NEDD9: variants seen among roughly 807,000 people sequenced by gnomAD.
NEDD9 encodes the protein enhancer of filamentation 1.
In NEDD9, 26 loss-of-function variants were observed where a neutral mutation model predicts 76.6. The ratio of observed to expected loss-of-function variants is 0.34; its 90% CI spans 0.25 to 0.47. The LOEUF is 0.47. Ranked by LOEUF, NEDD9 falls within the 20% of genes least tolerant of loss-of-function variation. The pLI is 1.00. For missense variants in NEDD9, 937 were observed against 1,058.5 expected, an observed-to-expected ratio of 0.89 and a Z score of 1.59; for synonymous variants, 392 against 414.2, an observed-to-expected ratio of 0.95 and a Z score of 0.65.
intron 3 of NEDD9, chr6:11,305,268 A>T: frequency 1.7e-6 from 1 of 574,684 alleles, no homozygotes; most frequent in South Asian, 1.9e-5. Context: ...TCCTCTGAAC[A>T]ATCTTCCTGT....
At chr6:11,276,466 G>A (rs140383246) in intron 3 of NEDD9, among the ~76,000 whole-genome samples, 20 of 152,290 alleles carry the variant, frequency 1.3e-4, no homozygotes, top group African/African-American at 4.6e-4. Context: ...TAAAATGTAA[G>A]TTCCTTGAGG....
At chr6:11,218,308 C>T (rs12190771) in intron 1 of NEDD9, among the ~76,000 whole-genome samples, 31,998 of 151,446 alleles carry the variant, frequency 0.21, 3,700 homozygotes, top group African/African-American at 0.27. Context: ...GCCCTGCTTT[C>T]CACCTCACTG....
Position 11,357,144 on chromosome 6 carries a change from G to C in NEDD9, c.-213-22583C>G, listed in dbSNP as rs150902644. ...ACCAATTCCTTCCAGGCTTTCTTTAGCATGTTGTCATATTTAAGTCTTTAA... is the reference window on the plus strand; with the variant it reads ...ACCAATTCCTTCCAGGCTTTCTTTACCATGTTGTCATATTTAAGTCTTTAA... On this transcript the variant is annotated intron_variant, in intron 1 of 3. Coordinates refer to the NEDD9 transcript ENST00000397378. Among the ~76,000 whole-genome samples, 483 of 152,240 alleles carry C rather than the reference G, an allele frequency of 3.2e-3. 1 individual carries two copies. The highest frequency in any genetic ancestry group is 0.011 in the African/African-American group (447 of 41,530).
intron 3 of NEDD9, among the ~76,000 whole-genome samples, chr6:11,273,652 A>T (rs1164843383): frequency 6.6e-6 from 1 of 152,122 alleles, no homozygotes; most frequent in East Asian, 1.9e-4. Context: ...TGAGGTTGTG[A>T]GTCAATGTTA....
chr6:11,259,967 C>A (rs1448372298), intron 3 of NEDD9, among the ~76,000 whole-genome samples: 1 of 152,128 alleles, frequency 6.6e-6, no homozygotes, highest in Non-Finnish European at 1.5e-5. Flanking sequence ...CACAGACACA[C>A]ACCCCACCAC....
chr6:11,360,642 C>A (rs1762663758), intron 1 of NEDD9, among the ~76,000 whole-genome samples: 1 of 152,208 alleles, frequency 6.6e-6, no homozygotes, highest in South Asian at 2.1e-4. Context: ...TCCCCTTTCA[C>A]CTTCTGCTAT....
chr6:11,190,296 A>C lies in NEDD9; in HGVS notation c.1573T>G (p.Cys525Gly), dbSNP rs749826628. 6 of 1,614,140 alleles carry C rather than the reference A, an allele frequency of 3.7e-6. No individual in the cohort carries two copies. The East Asian group carries it at 1.1e-4, about 30-fold the overall frequency. Residue 525 changes from cysteine to glycine, a missense_variant, in exon 5 of 7, where the codon TGT becomes GGT. Cys to Gly is a radical substitution (Grantham distance 159, BLOSUM62 -3). Coordinates refer to ENST00000379446, the MANE Select transcript of NEDD9 (RefSeq NM_006403.4). This position sits in a 1 kb window ranked among gnomAD's most constrained non-coding sequence, Gnocchi z 5.8. ...ILAINKPQNK[C>G]DDLDRFVMVA... ...ATCACAAACCGGTCCAGATCGTCAC[A>C]CTTGTTCTGGGGCTTGTTGATGGCC...
intron 1 of NEDD9, among the ~76,000 whole-genome samples, chr6:11,372,011 T>G (rs1166252764): frequency 6.6e-6 from 1 of 152,212 alleles, no homozygotes; most frequent in Non-Finnish European, 1.5e-5. Context: ...TTAGTTATTT[T>G]TTAATGTACA....
intron 2 of NEDD9, among the ~76,000 whole-genome samples, chr6:11,209,339 AT>A (rs1758704747): frequency 6.6e-6 from 1 of 152,230 alleles, no homozygotes; most frequent in African/African-American, 2.4e-5. Context: ...AAAAAGACCA[AT>A]GAAATTAAGT....
chr6:11,205,275 G>C (rs1758574971), intron 2 of NEDD9, among the ~76,000 whole-genome samples: 1 of 152,210 alleles, frequency 6.6e-6, no homozygotes, highest in Non-Finnish European at 1.5e-5. Context: ...TCAGGTGGTA[G>C]TACCTCTATG....
intron 3 of NEDD9, among the ~76,000 whole-genome samples, chr6:11,249,516 C>T (rs1759872977): frequency 6.6e-6 from 1 of 152,004 alleles, no homozygotes; most frequent in Admixed American, 6.6e-5. Context: ...AAAGGTGCTC[C>T]TAGAACCTCC....
chr6:11,311,024 G>C (rs1279388976), intron 2 of NEDD9, among the ~76,000 whole-genome samples: 2 of 151,956 alleles, frequency 1.3e-5, no homozygotes, highest in Non-Finnish European at 2.9e-5. Flanking sequence ...GCCTTCTATG[G>C]GACTTTTCTC....
chr6:11,349,336 T>G (rs138749736), intron 1 of NEDD9, among the ~76,000 whole-genome samples: 1,786 of 152,326 alleles, frequency 0.012, 14 homozygotes, highest in Middle Eastern at 0.044. Flanking sequence ...GTAAATTAGT[T>G]CAACCATTGT....
intron 2 of NEDD9, among the ~76,000 whole-genome samples, chr6:11,211,978 G>A (rs529322566): frequency 3.2e-4 from 49 of 152,314 alleles, no homozygotes; most frequent in African/African-American, 1.1e-3. Context: ...TCTCTAGGCT[G>A]CCTCTTTCCA....
intron 3 of NEDD9, among the ~76,000 whole-genome samples, chr6:11,266,939 A>T (rs1760212312): frequency 6.6e-6 from 1 of 152,134 alleles, no homozygotes; most frequent in African/African-American, 2.4e-5. Context: ...CATTCACTTT[A>T]AGGACCATTT....
chr6:11,334,774 A>G (rs1379201736), intron 1 of NEDD9, among the ~76,000 whole-genome samples: 1 of 152,258 alleles, frequency 6.6e-6, no homozygotes, highest in Non-Finnish European at 1.5e-5. Context: ...AACAAAAAGC[A>G]AATTCAAGCA....
intron 3 of NEDD9, among the ~76,000 whole-genome samples, chr6:11,244,388 C>T (rs970084015): frequency 7.2e-5 from 11 of 152,134 alleles, no homozygotes; most frequent in African/African-American, 2.7e-4. Context: ...AAACCATTCT[C>T]TTTCTATTTA....
intron 2 of NEDD9, among the ~76,000 whole-genome samples, chr6:11,195,717 G>A (rs1008616738): frequency 2.6e-5 from 4 of 152,324 alleles, no homozygotes; most frequent in Non-Finnish European, 4.4e-5. Flanking sequence ...CGGGCATGTC[G>A]GGCGCAGTGG....
chr6:11,326,583 G>T (rs1215503693), intron 2 of NEDD9, among the ~76,000 whole-genome samples: 1 of 152,228 alleles, frequency 6.6e-6, no homozygotes, highest in Non-Finnish European at 1.5e-5. Context: ...TTTCAGAGCG[G>T]CATGGGTGGT....
Sources: allele counts gnomAD v4.1 joint callset (sites outside exome capture counted in the v4.1 genomes callset), GRCh38; gene constraint gnomAD v4.1.1; non-coding constraint Gnocchi (gnomAD v3.1); transcripts MANE v1.5; gene names NCBI Gene and HGNC (gene_info 2026-07-23, HGNC 2026-07-21).